CTNNA3: variants seen among roughly 807,000 people sequenced by gnomAD.
CTNNA3 encodes catenin alpha 3, also known as catenin alpha-3.
Under a neutral mutation model 95.7 loss-of-function variants are expected in CTNNA3, and 76 were observed. The ratio of observed to expected loss-of-function variants is 0.79; its 90% confidence interval spans 0.66 to 0.96. The LOEUF is 0.96. Ranked by LOEUF, CTNNA3 falls within the 40% of genes least tolerant of loss-of-function variation. The pLI, the probability that CTNNA3 is intolerant of heterozygous loss-of-function variation, is 0.00. For missense variants in CTNNA3, 1,191 were observed against 1,089.8 expected (o/e 1.09, Z -1.31); for synonymous variants, 431 against 374.4 (o/e 1.15, Z -1.74).
intron 12 of CTNNA3, among the ~76,000 whole-genome samples, chr10:66,293,848 G>A (rs1439875242): frequency 1.3e-5 from 2 of 151,776 alleles, no homozygotes; most frequent in Non-Finnish European, 2.9e-5. Context: ...TGTGTTTTTA[G>A]TAGAGACGGG....
In CTNNA3 at chr10:66,379,297, A is replaced by T. The variant is rs74141466; in HGVS notation, c.1587T>A (p.Asp529Glu). Residue 529 changes from aspartate (D) to glutamate (E), a missense_variant, in exon 12 of 18, where the codon GAT becomes GAA. Asp to Glu is a conservative substitution (Grantham distance 45). Transcript: ENST00000433211. ...CCGCAGCACGGTCTAAATTATCAGC[A>T]TCCTGGTCTCTTAAGGCTATGATAC... ...NKCIIALRDQ[D>E]ADNLDRAAGA... 4.8e-4 allele frequency: 779 copies of T among 1,614,138 alleles called. 4 individuals are homozygous for T. The African/African-American group carries it at 9.2e-3, about 19-fold the overall frequency.
chr10:65,992,551 C>T (rs10762022), intron 15 of CTNNA3, among the ~76,000 whole-genome samples: 74,011 of 151,902 alleles, frequency 0.49, 19,444 homozygotes, highest in Non-Finnish European at 0.61. Context: ...ATAATAGTGT[C>T]TGATGACCTT....
chr10:65,976,745 TCTA>T (rs1271574837), intron 16 of CTNNA3, among the ~76,000 whole-genome samples: 1 of 152,168 alleles, frequency 6.6e-6, no homozygotes, highest in African/African-American at 2.4e-5. Context: ...TTAAGAATAT[TCTA>T]CTATTTTTCA....
chr10:66,367,030 G>A (rs1352455515), intron 12 of CTNNA3, among the ~76,000 whole-genome samples: 26 of 152,122 alleles, frequency 1.7e-4, no homozygotes, highest in Admixed American at 1.7e-3. Flanking sequence ...GCAGAAGAAA[G>A]AATGTGCAGC....
At chr10:66,088,487 G>T (rs1345650958) in intron 14 of CTNNA3, among the ~76,000 whole-genome samples, 35 of 26,774 alleles carry the variant, frequency 1.3e-3, no homozygotes, top group African/African-American at 2.9e-3. Context: ...TAGGTGTTTT[G>T]TGTGTGTGTG....
intron 6 of CTNNA3, among the ~76,000 whole-genome samples, chr10:67,202,285 AC>A (rs1360178363): frequency 6.6e-6 from 1 of 152,172 alleles, no homozygotes; most frequent in Non-Finnish European, 1.5e-5. Flanking sequence ...GATTTGGAAA[AC>A]CCTAAATCTT....
At chr10:65,925,037 T>C (rs1047203789) in intron 17 of CTNNA3, among the ~76,000 whole-genome samples, 1 of 152,168 alleles carries the variant, frequency 6.6e-6, no homozygotes, top group South Asian at 2.1e-4. Flanking sequence ...CAATTCAAGA[T>C]GAGTTTTGGG....
At position 66,658,596 on chromosome 10, in the gene CTNNA3, G is replaced by A. The variant is rs138528770; in HGVS notation, c.1282-36812C>T. On this transcript the variant is annotated intron_variant, in intron 9 of 17. Coordinates refer to ENST00000433211, the MANE Select transcript of CTNNA3 (RefSeq NM_013266.4). ...GTTAAGTGCCAGCATTGGAGAGTTT[G>A]CATGCAAACACAAAAGAAGTAAAAA... Among the ~76,000 whole-genome samples the A allele has an allele frequency of 6.6e-5, 10 of 152,272 alleles. No homozygotes were observed. The East Asian group carries it at 1.7e-3, about 26-fold the overall frequency.
At chr10:66,145,901 T>C (rs2083859232) in intron 13 of CTNNA3, among the ~76,000 whole-genome samples, 1 of 152,184 alleles carries the variant, frequency 6.6e-6, no homozygotes, top group Admixed American at 6.5e-5. Flanking sequence ...GCTGCCAGGC[T>C]GGAGTGCAGT....
rs540913231 is a variant in CTNNA3 at position 66,311,467 on chromosome 10, C to T, written c.1733-30846G>A. 5.3e-5 allele frequency among the ~76,000 whole-genome samples: 8 copies of T among 152,264 alleles called. No homozygotes were observed. In the East Asian group the frequency reaches 1.2e-3, roughly 22 times the overall value. ...TCAGTACAGGAATCAGAAGGTGGAA[C>T]CATCTGCAGCTATCAGCTTATACAG... On this transcript the variant is annotated intron_variant, in intron 12 of 17. Transcript: ENST00000433211.
At chr10:67,641,047 C>A (rs1230699376) in intron 2 of CTNNA3, among the ~76,000 whole-genome samples, 1 of 152,150 alleles carries the variant, frequency 6.6e-6, no homozygotes, top group Non-Finnish European at 1.5e-5. Context: ...GCAAAAGAAA[C>A]TACCATCAGA....
chr10:66,351,276 A>AT (rs1214323436), intron 12 of CTNNA3, among the ~76,000 whole-genome samples: 2 of 152,002 alleles, frequency 1.3e-5, no homozygotes, highest in African/African-American at 4.8e-5. Flanking sequence ...ATTTCATTCA[A>AT]TATGTAGAAG....
chr10:66,230,971 G>T (rs2089557465), intron 13 of CTNNA3, among the ~76,000 whole-genome samples: 1 of 152,156 alleles, frequency 6.6e-6, no homozygotes, highest in Non-Finnish European at 1.5e-5. Context: ...TGGAGGTGCA[G>T]GGGCTATTGG....
At chr10:67,650,535 A>G (rs1839846772) in intron 1 of CTNNA3, among the ~76,000 whole-genome samples, 1 of 152,154 alleles carries the variant, frequency 6.6e-6, no homozygotes, top group African/African-American at 2.4e-5. Context: ...TCCCCAAACT[A>G]TCTTTGTCTG....
At chr10:66,095,292 G>A (rs2081350010) in intron 14 of CTNNA3, among the ~76,000 whole-genome samples, 1 of 152,038 alleles carries the variant, frequency 6.6e-6, no homozygotes, top group Non-Finnish European at 1.5e-5. Context: ...TGAAAAATAT[G>A]AAAAAGATCA....
intron 9 of CTNNA3, among the ~76,000 whole-genome samples, chr10:66,642,980 C>T (rs905833861): frequency 2.0e-5 from 3 of 151,990 alleles, no homozygotes; most frequent in Non-Finnish European, 2.9e-5. Context: ...TAAAGGAAAG[C>T]CTTGAAAGGG....
chr10:67,585,208 T>C (rs1290137062), intron 3 of CTNNA3, among the ~76,000 whole-genome samples: 1 of 152,148 alleles, frequency 6.6e-6, no homozygotes, highest in Non-Finnish European at 1.5e-5. Context: ...TAATCCAGTG[T>C]AATATATTTT....
intron 6 of CTNNA3, among the ~76,000 whole-genome samples, chr10:67,216,742 G>C (rs972991805): frequency 1.3e-5 from 2 of 152,142 alleles, no homozygotes; most frequent in Non-Finnish European, 2.9e-5. Flanking sequence ...ATTCAGATTA[G>C]TTCTTGTGTA....
chr10:67,464,271 T>C (rs1040371363), intron 5 of CTNNA3, among the ~76,000 whole-genome samples: 1 of 152,176 alleles, frequency 6.6e-6, no homozygotes, highest in African/African-American at 2.4e-5. Context: ...TAGCAGTCTT[T>C]CGCTCCCCTA....
Sources: gnomAD v4.1 joint callset for allele counts (sites outside exome capture counted in the v4.1 genomes callset) on GRCh38, gnomAD v4.1.1 for gene constraint, MANE v1.5 for transcripts, NCBI Gene and HGNC (gene_info 2026-07-23, HGNC 2026-07-21) for gene names.